Variants in BCKDHB observed in about 807,000 individuals in gnomAD.
The protein encoded by BCKDHB is branched chain keto acid dehydrogenase E1 subunit beta, also known as 2-oxoisovalerate dehydrogenase subunit beta, mitochondrial.
Under a neutral mutation model 48.5 loss-of-function variants are expected in BCKDHB, and 41 were observed. The observed-to-expected ratio is 0.85, with a 90% CI of 0.66 to 1.10. The LOEUF (loss-of-function observed/expected upper bound fraction) is 1.10, where lower values mean the gene tolerates loss of function less well. Ranked by LOEUF, BCKDHB falls within the 50% of genes least tolerant of loss-of-function variation. BCKDHB has a pLI of 0.00. For missense variants in BCKDHB, 496 were observed against 494.2 expected (o/e 1.00, Z -0.03); for synonymous variants, 201 against 174.8 (o/e 1.15, Z -1.18).
chr6:80,385,067 T>C, the BCKDHB span, among the ~76,000 whole-genome samples: 7 of 152,254 alleles, frequency 4.6e-5, no homozygotes, highest in East Asian at 5.8e-4. Flanking sequence ...GCAAGAAGTT[T>C]AGTGATTTTA....
At chr6:80,145,988 A>G (rs1771467543) in intron 3 of BCKDHB, among the ~76,000 whole-genome samples, 1 of 152,094 alleles carries the variant, frequency 6.6e-6, no homozygotes, top group Non-Finnish European at 1.5e-5. Context: ...GTGTGTATAT[A>G]TGTGGAATAA....
chr6:80,168,738 G>A, intron 4 of BCKDHB, 137 bp from the exon 5 acceptor site: 1 of 944,970 alleles, frequency 1.1e-6, no homozygotes, highest in Admixed American at 2.0e-5. Flanking sequence ...AAGAGGGGGA[G>A]GGAGGCAGGG....
intron 3 of BCKDHB, among the ~76,000 whole-genome samples, chr6:80,166,856 G>A (rs1377862617): frequency 6.6e-6 from 1 of 151,954 alleles, no homozygotes; most frequent in African/African-American, 2.4e-5. Context: ...TTTGCTTCTG[G>A]GTGCAGTGTC....
chr6:80,293,508 A>AT, intron 9 of BCKDHB, among the ~76,000 whole-genome samples: 1 of 152,074 alleles, frequency 6.6e-6, no homozygotes, highest in South Asian at 2.1e-4. Context: ...CCAGGAAACC[A>AT]TTTTTTGCTC....
the BCKDHB span, among the ~76,000 whole-genome samples, chr6:80,381,038 A>C: frequency 6.6e-6 from 1 of 152,010 alleles, no homozygotes; most frequent in Non-Finnish European, 1.5e-5. Flanking sequence ...AACAGTATTC[A>C]TATCTTATGT....
intron 8 of BCKDHB, among the ~76,000 whole-genome samples, chr6:80,227,758 A>G (rs1339411907): frequency 6.6e-6 from 1 of 152,210 alleles, no homozygotes; most frequent in Non-Finnish European, 1.5e-5. Context: ...TTGAGGTAAC[A>G]GTGGGGCTAA....
chr6:80,154,625 A>T (rs954697054), intron 3 of BCKDHB, among the ~76,000 whole-genome samples: 1 of 152,144 alleles, frequency 6.6e-6, no homozygotes, highest in African/African-American at 2.4e-5. Context: ...AAGAAGACCT[A>T]AATTTTAGGT....
At chr6:80,395,775 G>A in the BCKDHB span, among the ~76,000 whole-genome samples, 3 of 152,116 alleles carry the variant, frequency 2.0e-5, no homozygotes, top group Non-Finnish European at 2.9e-5. Flanking sequence ...CCTAGAGGCC[G>A]AGGAGGGAAA....
At chr6:80,429,522 AT>A in the BCKDHB span, among the ~76,000 whole-genome samples, 1 of 152,164 alleles carries the variant, frequency 6.6e-6, no homozygotes, top group Non-Finnish European at 1.5e-5. Flanking sequence ...ATGCTTTTCC[AT>A]TTGTTTGTGC....
At chr6:80,455,967 G>A in the BCKDHB span, among the ~76,000 whole-genome samples, 1 of 152,116 alleles carries the variant, frequency 6.6e-6, no homozygotes, top group Admixed American at 6.6e-5. Flanking sequence ...GCTCATGCCT[G>A]TAATCCCAGC....
chr6:80,286,953 A>C (rs1414577116), intron 9 of BCKDHB, among the ~76,000 whole-genome samples: 1 of 152,158 alleles, frequency 6.6e-6, no homozygotes, highest in Non-Finnish European at 1.5e-5. Flanking sequence ...TAGAGCTGGC[A>C]TCTATATTAC....
chr6:80,279,584 T>A (rs1399690168), intron 9 of BCKDHB, among the ~76,000 whole-genome samples: 1 of 151,812 alleles, frequency 6.6e-6, no homozygotes, highest in Non-Finnish European at 1.5e-5. Context: ...CCTCATTGGG[T>A]CTAGCAAAAA....
At chr6:80,124,945 A>G (rs948472611) in intron 1 of BCKDHB, among the ~76,000 whole-genome samples, 1 of 152,174 alleles carries the variant, frequency 6.6e-6, no homozygotes, top group Non-Finnish European at 1.5e-5. Context: ...TCAACTTCAA[A>G]TCACCAGCTA....
chr6:80,304,470 C>T (rs943966099), intron 9 of BCKDHB, among the ~76,000 whole-genome samples: 1 of 152,038 alleles, frequency 6.6e-6, no homozygotes, highest in Non-Finnish European at 1.5e-5. Flanking sequence ...AGAAACTGAA[C>T]CATTAGCTTA....
the BCKDHB span, among the ~76,000 whole-genome samples, chr6:80,353,311 TG>T: frequency 2.0e-5 from 3 of 152,234 alleles, no homozygotes; most frequent in Non-Finnish European, 4.4e-5. Context: ...AATCATTCGT[TG>T]GTTGACTCTA....
At chr6:80,398,775 A>G in the BCKDHB span, among the ~76,000 whole-genome samples, 1 of 152,106 alleles carries the variant, frequency 6.6e-6, no homozygotes, top group Admixed American at 6.6e-5. Flanking sequence ...AAAACCTGGC[A>G]GAGATACAAA....
chr6:80,385,050 A>G, the BCKDHB span, among the ~76,000 whole-genome samples: 3 of 152,174 alleles, frequency 2.0e-5, no homozygotes, highest in African/African-American at 7.2e-5. Context: ...TTCATTGCTC[A>G]TGAGGGGCAA....
intron 9 of BCKDHB, among the ~76,000 whole-genome samples, chr6:80,297,923 A>T (rs1220119771): frequency 6.6e-6 from 1 of 152,154 alleles, no homozygotes; most frequent in African/African-American, 2.4e-5. Flanking sequence ...AAATTTTGAG[A>T]GGGATTTATC....
At chr6:80,177,955 TGG>T (rs1773241909) in intron 6 of BCKDHB, among the ~76,000 whole-genome samples, 1 of 152,238 alleles carries the variant, frequency 6.6e-6, no homozygotes, top group African/African-American at 2.4e-5. Context: ...CTTTTGCTTA[TGG>T]TTGCTGGGCA....
Sources: gnomAD v4.1 joint callset for allele counts (sites outside exome capture counted in the v4.1 genomes callset) on GRCh38, gnomAD v4.1.1 for gene constraint, MANE v1.5 for transcripts, NCBI Gene and HGNC (gene_info 2026-07-23, HGNC 2026-07-21) for gene names.